Variants in L3MBTL4 observed in about 807,000 individuals in gnomAD.
L3MBTL4 encodes lethal(3)malignant brain tumor-like protein 4.
L3MBTL4 carries 70 observed loss-of-function variants against 84.5 expected under a neutral mutation model. That is an observed-to-expected ratio of 0.83 (90% confidence interval 0.68 to 1.01). L3MBTL4 has a LOEUF of 1.01. Ranked by LOEUF, L3MBTL4 falls within the 50% of genes least tolerant of loss-of-function variation. The pLI is 0.00. For missense variants in L3MBTL4, 715 were observed against 754.8 expected, an observed-to-expected ratio of 0.95 and a Z score of 0.62; for synonymous variants, 274 against 259.8, an observed-to-expected ratio of 1.05 and a Z score of -0.52.
chr18:6,369,377 G>A (rs1013229221), intron 1 of L3MBTL4, among the ~76,000 whole-genome samples: 5 of 152,194 alleles, frequency 3.3e-5, no homozygotes, highest in Admixed American at 2.6e-4. Flanking sequence ...CATGTGGTGT[G>A]CGGAGGCCAG....
intron 10 of L3MBTL4, among the ~76,000 whole-genome samples, chr18:6,220,247 C>G (rs897536313): frequency 6.6e-6 from 1 of 152,024 alleles, no homozygotes; most frequent in Admixed American, 6.6e-5. Flanking sequence ...ATGGCTTCCT[C>G]GATTACACAG....
intron 16 of L3MBTL4, among the ~76,000 whole-genome samples, chr18:6,057,282 G>A (rs1409935553): frequency 1.3e-5 from 2 of 152,202 alleles, no homozygotes; most frequent in Non-Finnish European, 2.9e-5. Flanking sequence ...TGATCTGCCT[G>A]CCTTGGGCTC....
At chr18:6,002,058 CTCATCATTA>C (rs1288775090) in intron 16 of L3MBTL4, among the ~76,000 whole-genome samples, 2 of 152,174 alleles carry the variant, frequency 1.3e-5, no homozygotes, top group Non-Finnish European at 1.5e-5. Context: ...ACAAAAGTGA[CTCATCATTA>C]CAGGAATCTT....
intron 1 of L3MBTL4, among the ~76,000 whole-genome samples, chr18:6,388,896 A>G (rs1259243240): frequency 6.6e-6 from 1 of 152,144 alleles, no homozygotes; most frequent in African/African-American, 2.4e-5. Context: ...AGGGAAGGGC[A>G]TGGCAAAAGA....
intron 16 of L3MBTL4, among the ~76,000 whole-genome samples, chr18:5,973,043 T>C (rs2052734995): frequency 6.6e-6 from 1 of 152,226 alleles, no homozygotes; most frequent in Admixed American, 6.5e-5. Context: ...CATAACGTGT[T>C]CAATACATGT....
intron 1 of L3MBTL4, among the ~76,000 whole-genome samples, chr18:6,411,887 C>T (rs564470929): frequency 5.9e-5 from 9 of 152,238 alleles, no homozygotes; most frequent in South Asian, 2.1e-4. Context: ...TTTTTCACAA[C>T]GCAAAATCAT....
intron 16 of L3MBTL4, among the ~76,000 whole-genome samples, chr18:5,981,747 C>T (rs2053231069): frequency 6.6e-6 from 1 of 151,850 alleles, no homozygotes. Flanking sequence ...TTGCAGTGAG[C>T]TGCGATTGTG....
At chr18:6,123,694 C>A (rs924293576) in intron 14 of L3MBTL4, among the ~76,000 whole-genome samples, 3 of 152,176 alleles carry the variant, frequency 2.0e-5, no homozygotes, top group Non-Finnish European at 4.4e-5. Context: ...GATATTTTAA[C>A]TAAAAACGAA....
At position 6,019,476 on chromosome 18, in the gene L3MBTL4, T is replaced by C. The variant is rs142697709; in HGVS notation, c.1445-49914A>G. On this transcript the variant is annotated intron_variant, in intron 16 of 18. Coordinates refer to ENST00000317931, the MANE Select transcript of L3MBTL4 (RefSeq NM_001330559.2). The stretch of plus-strand genomic sequence containing the variant: ...TTTTAGTCACATTCAAGAAATGTAT[T>C]CTTTTTTCTTCGTTCGTCTTCAGGT... Among the ~76,000 whole-genome samples the C allele has an allele frequency of 3.3e-3, 506 of 152,324 alleles. 1 individual carries two copies. Among genetic ancestry groups the C allele is most frequent in the African/African-American group, 0.012 (487 of 41,570 alleles).
At chr18:6,213,107 G>T in intron 12 of L3MBTL4, 42 bp downstream of exon 12, 1 of 1,142,926 alleles carries the variant, frequency 8.7e-7, no homozygotes, top group Non-Finnish European at 1.2e-6. Context: ...AGTAATGTAG[G>T]AAAAATATTG....
chr18:6,041,547 C>T (rs1259490972), intron 16 of L3MBTL4, among the ~76,000 whole-genome samples: 1 of 147,032 alleles, frequency 6.8e-6, no homozygotes, highest in Non-Finnish European at 1.5e-5. Context: ...GCAAAAATGG[C>T]AGTCGGGAAG....
chr18:6,321,546 C>T (rs1204965613), intron 1 of L3MBTL4, among the ~76,000 whole-genome samples: 1 of 152,068 alleles, frequency 6.6e-6, no homozygotes, highest in Admixed American at 6.5e-5. Flanking sequence ...TTCAGCAATC[C>T]CACTACTGGG....
At chr18:6,020,893 C>A (rs2055219500) in intron 16 of L3MBTL4, among the ~76,000 whole-genome samples, 1 of 151,954 alleles carries the variant, frequency 6.6e-6, no homozygotes, top group Non-Finnish European at 1.5e-5. Flanking sequence ...GAGCTGGAGA[C>A]AGAACTTTGG....
intron 5 of L3MBTL4, among the ~76,000 whole-genome samples, chr18:6,251,680 A>T (rs1217793913): frequency 1.3e-5 from 2 of 152,184 alleles, no homozygotes; most frequent in African/African-American, 2.4e-5. Context: ...CATAATTTTT[A>T]ACTTTTTATT....
chr18:6,017,671 G>C (rs1467365697), intron 16 of L3MBTL4: 1 of 152,190 alleles, frequency 6.6e-6, no homozygotes, highest in East Asian at 1.9e-4. Context: ...GAAGCGCTCT[G>C]ATCAGAGGAA....
At chr18:6,218,616 G>A (rs771586524) in intron 10 of L3MBTL4, among the ~76,000 whole-genome samples, 39 of 152,174 alleles carry the variant, frequency 2.6e-4, no homozygotes, top group Admixed American at 2.6e-4. Flanking sequence ...GGCTGTGACC[G>A]TTTTAAATGG....
At chr18:6,281,618 T>C (rs1047416959) in intron 4 of L3MBTL4, among the ~76,000 whole-genome samples, 1 of 152,238 alleles carries the variant, frequency 6.6e-6, no homozygotes, top group Non-Finnish European at 1.5e-5. Context: ...TCAAGCATCC[T>C]TTCTGTGTTT....
chr18:6,391,752 A>ACTACTACTACTACTACTACTACT (rs2055059881), intron 1 of L3MBTL4, among the ~76,000 whole-genome samples: 5 of 150,006 alleles, frequency 3.3e-5, no homozygotes, highest in South Asian at 2.1e-4. Context: ...CAACAACAAC[A>ACTACTACTACTACTACTACTACT]ACTACTACTA....
At chr18:6,264,423 T>A (rs941058023) in intron 4 of L3MBTL4, among the ~76,000 whole-genome samples, 1 of 152,230 alleles carries the variant, frequency 6.6e-6, no homozygotes, top group South Asian at 2.1e-4. Context: ...TTCATACTTC[T>A]TTTTGCTGTG....
Sources: allele counts gnomAD v4.1 joint callset (sites outside exome capture counted in the v4.1 genomes callset), GRCh38; gene constraint gnomAD v4.1.1; transcripts MANE v1.5; gene names NCBI Gene and HGNC (gene_info 2026-07-23, HGNC 2026-07-21).